Variants in TMEM182 observed in about 807,000 individuals in gnomAD.
TMEM182 encodes the protein transmembrane protein 182.
A neutral mutation model predicts 26.8 loss-of-function variants in TMEM182; 20 were observed. The ratio of observed to expected loss-of-function variants is 0.75; its 90% CI spans 0.53 to 1.09. The LOEUF (loss-of-function observed/expected upper bound fraction) is 1.09, where lower values mean the gene tolerates loss of function less well. Among genes scored for constraint, TMEM182 ranks in the 50% least tolerant of loss-of-function variants. The pLI, the probability that TMEM182 is intolerant of heterozygous loss-of-function variation, is 0.00. For synonymous variants in TMEM182, 109 were observed against 102.2 expected (o/e 1.07, Z -0.40); for missense variants, 277 against 275.5 (o/e 1.01, Z -0.04).
At chr2:102,790,422 C>G (rs1573537852) in intron 3 of TMEM182, among the ~76,000 whole-genome samples, 4 of 152,168 alleles carry the variant, frequency 2.6e-5, no homozygotes, top group African/African-American at 9.7e-5. Context: ...CTCTATTTCT[C>G]TGGAAAAAGA....
In TMEM182 at chr2:102,755,691, T is replaced by C. The variant is rs532265048; in HGVS notation, c.-82-2698T>C. On this transcript the variant is annotated intron_variant, in intron 1 of 5. Transcript: ENST00000409173. ...CAGCTTGTATTTAGCACTCAGACACTTCCCTCTGGCCTTTGTAAGGGGATG... is the reference window on the plus strand; with the variant it reads ...CAGCTTGTATTTAGCACTCAGACACCTCCCTCTGGCCTTTGTAAGGGGATG... 1.5e-3 allele frequency among the ~76,000 whole-genome samples: 230 copies of C among 152,318 alleles called. 4 individuals carry two copies. The highest frequency in any genetic ancestry group is 5.4e-3 in the African/African-American group (223 of 41,574).
chr2:102,829,336 C>T (rs1021657996), intron 3 of TMEM182, among the ~76,000 whole-genome samples: 3 of 152,156 alleles, frequency 2.0e-5, no homozygotes, highest in Non-Finnish European at 4.4e-5. Context: ...GGGTGGGACA[C>T]CTGACTGGAG....
intron 4 of TMEM182, among the ~76,000 whole-genome samples, chr2:102,802,080 G>A (rs904201497): frequency 6.6e-6 from 1 of 152,174 alleles, no homozygotes; most frequent in South Asian, 2.1e-4. Context: ...TGCAGCCTGG[G>A]CTCAGGCTTG....
intron 3 of TMEM182, among the ~76,000 whole-genome samples, chr2:102,826,034 A>G (rs1365676440): frequency 1.3e-5 from 2 of 152,194 alleles, no homozygotes; most frequent in Non-Finnish European, 2.9e-5. Flanking sequence ...TTAACAACTG[A>G]ATTGCATAAA....
chr2:102,760,631 T>C (rs1376593976), upstream of TMEM182, among the ~76,000 whole-genome samples: 3 of 152,204 alleles, frequency 2.0e-5, no homozygotes, highest in African/African-American at 7.2e-5. Flanking sequence ...TTTTTTGTTT[T>C]TTTTGAGAGT....
intron 3 of TMEM182, among the ~76,000 whole-genome samples, chr2:102,765,212 A>G (rs888250451): frequency 6.6e-6 from 1 of 152,092 alleles, no homozygotes; most frequent in East Asian, 1.9e-4. Flanking sequence ...AGTGAGAGAG[A>G]GTGATTGTAA....
intron 3 of TMEM182, among the ~76,000 whole-genome samples, chr2:102,766,252 T>A (rs1680429475): frequency 6.6e-6 from 1 of 152,162 alleles, no homozygotes; most frequent in Admixed American, 6.6e-5. Context: ...GCATGATAAT[T>A]ATGATGGAGA....
chr2:102,812,978 C>T (rs1682609325), intron 4 of TMEM182, among the ~76,000 whole-genome samples: 1 of 151,990 alleles, frequency 6.6e-6, no homozygotes, highest in African/African-American at 2.4e-5. Flanking sequence ...TGAGGTATGG[C>T]GTTGTAAGGA....
At chr2:102,824,135 G>A (rs544932088) in intron 3 of TMEM182, among the ~76,000 whole-genome samples, 2 of 152,292 alleles carry the variant, frequency 1.3e-5, no homozygotes, top group South Asian at 4.1e-4. Flanking sequence ...TTCTTAAGAG[G>A]TGACGTGGGA....
At chr2:102,745,888 A>G (rs1679681527) in intron 1 of TMEM182, among the ~76,000 whole-genome samples, 2 of 152,130 alleles carry the variant, frequency 1.3e-5, no homozygotes, top group Admixed American at 1.3e-4. Flanking sequence ...TAATTTTGGG[A>G]TATTATGAAT....
intron 3 of TMEM182, among the ~76,000 whole-genome samples, chr2:102,778,156 C>T (rs1380302769): frequency 6.6e-6 from 1 of 151,872 alleles, no homozygotes; most frequent in African/African-American, 2.4e-5. Flanking sequence ...TTTTCAGTTC[C>T]ATCAGGTTTT....
intron 3 of TMEM182, among the ~76,000 whole-genome samples, chr2:102,788,102 T>G (rs1163270780): frequency 3.3e-5 from 5 of 152,214 alleles, no homozygotes. Context: ...GTGGAGAATG[T>G]CTTGCTATGT....
chr2:102,808,621 A>C (rs561603450), intron 4 of TMEM182, among the ~76,000 whole-genome samples: 1 of 152,254 alleles, frequency 6.6e-6, no homozygotes, highest in Non-Finnish European at 1.5e-5. Context: ...TGTATGAGTT[A>C]GAACATCACA....
intron 3 of TMEM182, among the ~76,000 whole-genome samples, chr2:102,839,266 A>G (rs920128277): frequency 2.0e-5 from 3 of 152,004 alleles, no homozygotes; most frequent in African/African-American, 7.3e-5. Flanking sequence ...GACTTCCTCA[A>G]TGGACTGAAA....
At chr2:102,828,245 G>A (rs1020392909) in intron 3 of TMEM182, among the ~76,000 whole-genome samples, 2 of 152,256 alleles carry the variant, frequency 1.3e-5, no homozygotes, top group African/African-American at 4.8e-5. Flanking sequence ...GTGGTCAAAG[G>A]ATGTGAACTG....
At chr2:102,792,564 A>G (rs1482914681) in intron 3 of TMEM182, among the ~76,000 whole-genome samples, 1 of 152,242 alleles carries the variant, frequency 6.6e-6, no homozygotes, top group African/African-American at 2.4e-5. Context: ...TTATGACTGC[A>G]TATTTTAATT....
chr2:102,842,582 T>G (rs541161659), intron 3 of TMEM182, among the ~76,000 whole-genome samples: 4 of 152,148 alleles, frequency 2.6e-5, no homozygotes, highest in Non-Finnish European at 1.5e-5. Flanking sequence ...TTGAATTTCG[T>G]TGGGAATCCC....
At chr2:102,788,939 T>G (rs1180757311) in intron 3 of TMEM182, among the ~76,000 whole-genome samples, 5 of 152,338 alleles carry the variant, frequency 3.3e-5, no homozygotes, top group Middle Eastern at 6.8e-3. Flanking sequence ...CTGTACAGCC[T>G]GTCCTTCTGC....
At chr2:102,804,643 A>G (rs1682279546) in intron 4 of TMEM182, among the ~76,000 whole-genome samples, 1 of 152,212 alleles carries the variant, frequency 6.6e-6, no homozygotes, top group African/African-American at 2.4e-5. Context: ...GGCTTGCAGG[A>G]GAAAACCAAA....
Sources: gnomAD v4.1 joint callset for allele counts (sites outside exome capture counted in the v4.1 genomes callset) on GRCh38, gnomAD v4.1.1 for gene constraint, MANE v1.5 for transcripts, NCBI Gene and HGNC (gene_info 2026-07-23, HGNC 2026-07-21) for gene names.